Variants in DOT1L observed in about 807,000 individuals in gnomAD.
The protein encoded by DOT1L is histone-lysine N-methyltransferase, H3 lysine-79 specific.
Under a neutral mutation model 153.3 loss-of-function variants are expected in DOT1L, and 33 were observed. That is an observed-to-expected ratio of 0.22 (90% CI 0.16 to 0.29). DOT1L has a LOEUF of 0.29. DOT1L is among the 10% of genes least tolerant of loss of function. The pLI, the probability that DOT1L is intolerant of heterozygous loss-of-function variation, is 1.00. For missense variants in DOT1L, 1,847 were observed against 2,119.9 expected (o/e 0.87, Z 2.53); for synonymous variants, 1,135 against 965.1 (o/e 1.18, Z -3.26).
At chr19:2,227,901 C>G in intron 27 of DOT1L, 1 of 1,231,614 alleles carries the variant, frequency 8.1e-7, no homozygotes, top group South Asian at 1.4e-5. Flanking sequence ...TGAGACCCGG[C>G]CGCCCCCTCC....
chr19:2,226,032 C>A, intron 26 of DOT1L, 151 bp from the exon 27 acceptor site: 1 of 801,714 alleles, frequency 1.2e-6, no homozygotes, highest in Non-Finnish European at 1.9e-6. Context: ...CCCTCCTGTC[C>A]TCTCCCATCC....
At chr19:2,168,798 T>C (rs571758379) in intron 1 of DOT1L, among the ~76,000 whole-genome samples, 1 of 152,262 alleles carries the variant, frequency 6.6e-6, no homozygotes, top group East Asian at 1.9e-4. Flanking sequence ...GTATTTTTAG[T>C]AGCGACAGGT....
intron 1 of DOT1L, among the ~76,000 whole-genome samples, chr19:2,166,432 A>G (rs2144637059): frequency 7.3e-6 from 1 of 137,154 alleles, no homozygotes; most frequent in South Asian, 2.3e-4. Flanking sequence ...ATTTTTTGAG[A>G]GGAAGTGTTG....
In DOT1L at chr19:2,190,773, G is replaced by A. The variant is rs1041389722; in HGVS notation, c.265-239G>A. The stretch of plus-strand genomic sequence containing the variant: ...GTGGGGAGAGAGGCCCGTGGCAGGA[G>A]GTGGAGCCTCCTAGGACCCCTCTGA... On this transcript the variant is annotated intron_variant, in intron 4 of 27. Transcript: ENST00000398665. This position sits in a 1 kb window ranked among gnomAD's most constrained non-coding sequence, Gnocchi z 4.8. Among the ~76,000 whole-genome samples the A allele has an allele frequency of 6.6e-6, 1 of 152,018 alleles. No individual in the cohort carries two copies. The highest frequency in any genetic ancestry group is 1.5e-5 in the Non-Finnish European group (1 of 67,970).
intron 8 of DOT1L, among the ~76,000 whole-genome samples, chr19:2,201,201 C>T (rs1391938746): frequency 6.8e-6 from 1 of 147,690 alleles, no homozygotes; most frequent in Non-Finnish European, 1.5e-5. Flanking sequence ...CCTCATTCCT[C>T]GTCCTCCCCG....
intron 27 of DOT1L, chr19:2,227,352 C>G (rs543986363): frequency 2.7e-6 from 2 of 736,798 alleles, no homozygotes; most frequent in African/African-American, 3.5e-5. Flanking sequence ...CCGCGTCCCT[C>G]TTGTTTTCAG....
At chr19:2,196,922 T>C (rs1242495467) in intron 7 of DOT1L, among the ~76,000 whole-genome samples, 1 of 152,178 alleles carries the variant, frequency 6.6e-6, no homozygotes, top group African/African-American at 2.4e-5. Context: ...AGCGTGCGCT[T>C]TTTCGTTGCT....
At chr19:2,169,558 A>G (rs1217439117) in intron 1 of DOT1L, among the ~76,000 whole-genome samples, 3 of 152,002 alleles carry the variant, frequency 2.0e-5, no homozygotes, top group Admixed American at 6.6e-5. Context: ...CAGTGGCCCA[A>G]TCTCGGCTCA....
At chr19:2,168,558 T>G (rs1317361776) in intron 1 of DOT1L, among the ~76,000 whole-genome samples, 1 of 152,024 alleles carries the variant, frequency 6.6e-6, no homozygotes, top group Non-Finnish European at 1.5e-5. Context: ...GAAGGGAGAT[T>G]TTTATTCTTA....
rs572119719 is a variant in DOT1L, at chr19:2,219,998, C to T, written c.2692-110C>T. On this transcript the variant is annotated intron_variant, in intron 22 of 27. Coordinates refer to ENST00000398665, the MANE Select transcript of DOT1L (RefSeq NM_032482.3). ...CCCACGCGGTACTGGACGGTGACCC[C>T]GGCGGCCTCCCCCAGCCAGCTGCAG... is the stretch of plus-strand genomic sequence containing the variant. 22 of 975,918 alleles carry T rather than the reference C, an allele frequency of 2.3e-5. 1 individual carries two copies. The highest frequency in any genetic ancestry group is 5.2e-5 in the Admixed American group (2 of 38,450). 60.5% of individuals were successfully genotyped at this position (975,918 alleles called of 1,614,324 possible). A position where few individuals can be genotyped will look rare whatever the true frequency, so the allele number is the denominator to read the frequency against.
intron 22 of DOT1L, among the ~76,000 whole-genome samples, chr19:2,219,870 G>A (rs1015262823): frequency 1.3e-5 from 2 of 152,202 alleles, no homozygotes; most frequent in African/African-American, 4.8e-5. Flanking sequence ...CCCGCCTCCT[G>A]ACCTCCCTGC....
intron 27 of DOT1L, 185 bp from the exon 28 acceptor site, chr19:2,229,600 G>A (rs1599634275): frequency 1.0e-6 from 1 of 985,468 alleles, no homozygotes; most frequent in Non-Finnish European, 1.2e-6. Flanking sequence ...AGGCTCCCTG[G>A]TCTGTCACGG....
chr19:2,229,964 A>C lies in DOT1L; in HGVS notation c.*172A>C, dbSNP rs2024527915. The C allele has an allele frequency of 2.6e-5, 26 of 991,416 alleles. No individual in the cohort carries two copies. Among genetic ancestry groups the C allele is most frequent in the Non-Finnish European group, 3.8e-5 (25 of 660,810 alleles). The allele number at this position is 991,416 out of a possible 1,614,324, so 61.4% of individuals were successfully genotyped here. A position where few individuals can be genotyped will look rare whatever the true frequency, so the allele number is the denominator to read the frequency against. Reference sequence around the variant, plus strand: ...CGCCGCAGGAGGCTGGGACTGGTCCAGTTTGTACTGTCGATAGTTTTAGAT... The same window carrying C: ...CGCCGCAGGAGGCTGGGACTGGTCCCGTTTGTACTGTCGATAGTTTTAGAT... On this transcript the variant is annotated 3_prime_UTR_variant, in exon 28 of 28. Coordinates refer to ENST00000398665, the MANE Select transcript of DOT1L (RefSeq NM_032482.3).
At chr19:2,200,594 C>T (rs566698595) in intron 8 of DOT1L, among the ~76,000 whole-genome samples, 3 of 152,210 alleles carry the variant, frequency 2.0e-5, no homozygotes, top group East Asian at 3.9e-4. Flanking sequence ...TGAGGGCAGC[C>T]GGGGAGGTGG....
At chr19:2,225,700 C>T (rs2024300413) in intron 26 of DOT1L, among the ~76,000 whole-genome samples, 1 of 152,180 alleles carries the variant, frequency 6.6e-6, no homozygotes, top group African/African-American at 2.4e-5. Context: ...GCGCACACGC[C>T]ATGCTCTCAC....
chr19:2,182,573 C>T (rs149479470), intron 2 of DOT1L, among the ~76,000 whole-genome samples: 6 of 152,122 alleles, frequency 3.9e-5, no homozygotes, highest in South Asian at 2.1e-4. Context: ...TGTGGCTTCC[C>T]GGGGCTGTGA....
intron 1 of DOT1L, among the ~76,000 whole-genome samples, chr19:2,175,075 T>C (rs955325781): frequency 6.6e-6 from 1 of 151,378 alleles, no homozygotes; most frequent in African/African-American, 2.4e-5. Context: ...CTCGGCTCAC[T>C]GCAAGCCCCG....
Position 2,227,563 on chromosome 19 carries a change from C to T in DOT1L, c.4606+436C>T, listed in dbSNP as rs1472462097. 1.2e-5 allele frequency: 8 copies of T among 688,004 alleles called. No individual in the cohort carries two copies. The East Asian group carries it at 2.5e-4, about 21-fold the overall frequency. 42.6% of individuals were successfully genotyped at this position (688,004 alleles called of 1,614,324 possible). On this transcript the variant is annotated intron_variant, in intron 27 of 27. Transcript: ENST00000398665. ...CTGGGGCTGCTGCGGGGCGGGGGGC[C>T]GGAGGGCGGAGGGCGGGCCACCACG...
At chr19:2,189,321 C>T (rs542087771) in intron 3 of DOT1L, among the ~76,000 whole-genome samples, 2 of 152,240 alleles carry the variant, frequency 1.3e-5, no homozygotes, top group Admixed American at 6.5e-5. Context: ...CTGCCTCTGG[C>T]GATGGTGGCT....
Sources: allele counts gnomAD v4.1 joint callset (sites outside exome capture counted in the v4.1 genomes callset), GRCh38; gene constraint gnomAD v4.1.1; non-coding constraint Gnocchi (gnomAD v3.1); transcripts MANE v1.5; gene names NCBI Gene and HGNC (gene_info 2026-07-23, HGNC 2026-07-21).